LIPA: variants seen among roughly 807,000 people sequenced by gnomAD.
LIPA encodes lysosomal acid lipase/cholesteryl ester hydrolase.
LIPA carries 26 observed loss-of-function variants against 40.6 expected under a neutral mutation model. The observed-to-expected ratio is 0.64, with a 90% CI of 0.47 to 0.89. LIPA has a LOEUF of 0.89. LIPA is among the 40% of genes least tolerant of loss of function. The pLI, the probability that LIPA is intolerant of heterozygous loss-of-function variation, is 0.00. For missense variants in LIPA, 455 were observed against 479.6 expected (o/e 0.95, Z 0.48); for synonymous variants, 188 against 168.4 (o/e 1.12, Z -0.90).
intron 2 of LIPA, chr10:89,403,562 A>G (rs1456746133): frequency 4.3e-6 from 7 of 1,613,956 alleles, no homozygotes; most frequent in Non-Finnish European, 5.9e-6. Flanking sequence ...TTTTAAGGAA[A>G]CTTCGGAGAA....
chr10:89,266,521 C>T (rs560310467), intron 1 of LIPA, among the ~76,000 whole-genome samples: 1 of 152,256 alleles, frequency 6.6e-6, no homozygotes, highest in Non-Finnish European at 1.5e-5. Context: ...ATATGAAACA[C>T]ATATGAATTT....
chr10:89,384,423 G>T, intron 2 of LIPA: 1 of 1,614,192 alleles, frequency 6.2e-7, no homozygotes, highest in Non-Finnish European at 8.5e-7. Flanking sequence ...TACGCATGAA[G>T]ATCTTTGAAG....
At chr10:89,346,652 A>C (rs564658018), upstream of LIPA, among the ~76,000 whole-genome samples, 21 of 152,338 alleles carry the variant, frequency 1.4e-4, no homozygotes, top group East Asian at 3.9e-3. Context: ...CATTGACTCC[A>C]GTCTGACGCA....
chr10:89,302,877 G>A (rs1843454261), intron 1 of LIPA, among the ~76,000 whole-genome samples: 1 of 152,074 alleles, frequency 6.6e-6, no homozygotes, highest in Admixed American at 6.5e-5. Context: ...CATCCTGGGA[G>A]CTCTGGAATC....
At chr10:89,297,971 G>A (rs1407339687) in intron 1 of LIPA, among the ~76,000 whole-genome samples, 7 of 152,226 alleles carry the variant, frequency 4.6e-5, no homozygotes, top group East Asian at 3.8e-4. Context: ...ACAGTGCTGC[G>A]GGGTTGCTAT....
intron 2 of LIPA, among the ~76,000 whole-genome samples, chr10:89,372,301 G>T (rs1372573744): frequency 1.3e-5 from 2 of 152,218 alleles, no homozygotes; most frequent in African/African-American, 4.8e-5. Flanking sequence ...ACCCTTTGGG[G>T]TCAGACCTGC....
chr10:89,248,638 C>A (rs1374097728), intron 1 of LIPA, among the ~76,000 whole-genome samples: 1 of 148,160 alleles, frequency 6.7e-6, no homozygotes, highest in South Asian at 2.1e-4. Context: ...CCACGCCCGG[C>A]AAATTTTTTT....
intron 8 of LIPA, among the ~76,000 whole-genome samples, chr10:89,218,997 A>G (rs1459450263): frequency 6.6e-6 from 1 of 152,238 alleles, no homozygotes; most frequent in Non-Finnish European, 1.5e-5. Context: ...GTAAGATTAT[A>G]CCAAAATATT....
At chr10:89,256,702 G>C (rs1196838307), upstream of LIPA, among the ~76,000 whole-genome samples, 1 of 152,196 alleles carries the variant, frequency 6.6e-6, no homozygotes, top group Non-Finnish European at 1.5e-5. Context: ...ACTGTATGTA[G>C]AGGGCTTAGC....
intron 1 of LIPA, among the ~76,000 whole-genome samples, chr10:89,279,945 C>T (rs750658593): frequency 3.9e-5 from 6 of 152,180 alleles, no homozygotes; most frequent in Non-Finnish European, 5.9e-5. Flanking sequence ...TGTACAAAGA[C>T]GGACATACAG....
rs964177283 is a variant in LIPA at position 89,270,102 on chromosome 10, C to G, written c.-1-22453G>C. Reference sequence around the variant, plus strand: ...TGGTCACTCCAAATTAGCTACTATTCTAAATGTCTTTTCCTTGGAGAAAGT... The same window carrying G: ...TGGTCACTCCAAATTAGCTACTATTGTAAATGTCTTTTCCTTGGAGAAAGT... On this transcript the variant is annotated intron_variant, in intron 1 of 5. Transcript: ENST00000282673. Among the ~76,000 whole-genome samples, 74 of 152,232 alleles carry G rather than the reference C, an allele frequency of 4.9e-4. 1 individual carries two copies. Among genetic ancestry groups the G allele is most frequent in the African/African-American group, 1.6e-3 (65 of 41,452 alleles).
intron 1 of LIPA, among the ~76,000 whole-genome samples, chr10:89,295,720 G>T (rs150150969): frequency 5.1e-4 from 78 of 152,296 alleles, no homozygotes; most frequent in African/African-American, 1.8e-3. Context: ...AATATGAACA[G>T]GGCCTATATT....
At chr10:89,356,731 T>C (rs1034912523) in intron 2 of LIPA, among the ~76,000 whole-genome samples, 1 of 152,188 alleles carries the variant, frequency 6.6e-6, no homozygotes, top group Admixed American at 6.5e-5. Context: ...GTAATAATAA[T>C]AGAAATAAAG....
intron 2 of LIPA, chr10:89,392,443 T>G: frequency 2.1e-6 from 1 of 485,224 alleles, no homozygotes; most frequent in Non-Finnish European, 3.7e-6. Flanking sequence ...TTTATCTGTT[T>G]TAAAATAGAA....
At position 89,333,423 on chromosome 10, in the gene LIPA, T is replaced by G. The variant is rs537227730; in HGVS notation, c.-2+9188A>C. On this transcript the variant is annotated intron_variant, in intron 1 of 5. Transcript: ENST00000282673. ...GAATGGCTTACAGAAGAAATGTCCA[T>G]CTCCAAATCCTCTCTTCCTTAAATG... 3.3e-5 allele frequency among the ~76,000 whole-genome samples: 5 copies of G among 152,304 alleles called. No homozygotes were observed. In the South Asian group the frequency reaches 1.0e-3, roughly 32 times the overall value.
Position 89,250,093 on chromosome 10 carries a change from CT to C in LIPA, c.-2+1643del, listed in dbSNP as rs1256661315. Reference sequence around the variant, plus strand: ...TTTTTTCTTTTTTCTTTTTCTTTTTCTTTTCTTTTCTTTCTTTTTTTTTTTT... The same window carrying C: ...TTTTTTCTTTTTTCTTTTTCTTTTTCTTTCTTTTCTTTCTTTTTTTTTTTT... On this transcript the variant is annotated intron_variant, in intron 1 of 9. Transcript: ENST00000336233. 2.2e-5 allele frequency among the ~76,000 whole-genome samples: 2 copies of C among 91,538 alleles called. 1 individual carries two copies. The highest frequency in any genetic ancestry group is 1.1e-4 in the African/African-American group (2 of 18,464). 60.1% of individuals were successfully genotyped at this position (91,538 alleles called of 152,430 possible). A position where few individuals can be genotyped will look rare whatever the true frequency, so the allele number is the denominator to read the frequency against.
At chr10:89,258,860 A>G (rs751021583) in intron 1 of LIPA, among the ~76,000 whole-genome samples, 9 of 152,204 alleles carry the variant, frequency 5.9e-5, no homozygotes, top group Non-Finnish European at 8.8e-5. Context: ...CATACAATGG[A>G]ATATTCTTCT....
At chr10:89,339,336 G>A (rs775119341) in intron 1 of LIPA, 6 of 1,613,564 alleles carry the variant, frequency 3.7e-6, no homozygotes, top group Non-Finnish European at 5.1e-6. Context: ...CTGAAGGAGA[G>A]CAGTTTGTTG....
intron 1 of LIPA, among the ~76,000 whole-genome samples, chr10:89,319,850 A>C (rs1315172687): frequency 6.6e-6 from 1 of 152,226 alleles, no homozygotes; most frequent in East Asian, 1.9e-4. Flanking sequence ...CCAGCAGCAC[A>C]TCAAAAAGCT....
Sources: allele counts gnomAD v4.1 joint callset (sites outside exome capture counted in the v4.1 genomes callset), GRCh38; gene constraint gnomAD v4.1.1; transcripts MANE v1.5; gene names NCBI Gene and HGNC (gene_info 2026-07-23, HGNC 2026-07-21).